Variants in DAAM1 observed in about 807,000 individuals in gnomAD.
DAAM1 encodes the protein dishevelled associated activator of morphogenesis 1.
A neutral mutation model predicts 130.0 loss-of-function variants in DAAM1; 52 were observed. That is an observed-to-expected ratio of 0.40 (90% CI 0.32 to 0.50). The LOEUF (loss-of-function observed/expected upper bound fraction) is 0.50. Among genes scored for constraint, DAAM1 ranks in the 20% least tolerant of loss-of-function variants. The pLI is 0.61. For synonymous variants in DAAM1, 452 were observed against 444.5 expected (o/e 1.02, Z -0.21); for missense variants, 1,134 against 1,303.8 (o/e 0.87, Z 2.01).
chr14:59,344,038 C>T (rs1885962162), intron 16 of DAAM1, among the ~76,000 whole-genome samples: 1 of 152,182 alleles, frequency 6.6e-6, no homozygotes, highest in Admixed American at 6.5e-5. Context: ...ACAGACCTCG[C>T]TGCCAAAGGC....
intron 1 of DAAM1, among the ~76,000 whole-genome samples, chr14:59,194,965 A>G (rs979325138): frequency 6.6e-5 from 10 of 152,236 alleles, no homozygotes; most frequent in African/African-American, 2.2e-4. Context: ...AATGAAGACA[A>G]TTGACTAAAA....
At chr14:59,307,922 T>G (rs1408408042) in intron 3 of DAAM1, among the ~76,000 whole-genome samples, 1 of 152,222 alleles carries the variant, frequency 6.6e-6, no homozygotes, top group Admixed American at 6.5e-5. Flanking sequence ...ATCCTCAGTC[T>G]TATAATGAGA....
chr14:59,216,949 G>A (rs1888600912), intron 1 of DAAM1, among the ~76,000 whole-genome samples: 1 of 151,652 alleles, frequency 6.6e-6, no homozygotes, highest in African/African-American at 2.4e-5. Flanking sequence ...GTAGCCCAGC[G>A]ATGCTTGAAA....
intron 2 of DAAM1, among the ~76,000 whole-genome samples, chr14:59,281,224 C>G (rs1883201726): frequency 6.6e-6 from 1 of 152,116 alleles, no homozygotes; most frequent in African/African-American, 2.4e-5. Flanking sequence ...GCCGGCTTGG[C>G]CACTTTTACA....
intron 1 of DAAM1, among the ~76,000 whole-genome samples, chr14:59,219,538 C>G (rs1437789008): frequency 6.6e-6 from 1 of 152,028 alleles, no homozygotes; most frequent in Non-Finnish European, 1.5e-5. Context: ...TTCATATCTG[C>G]TTATAATTGG....
intron 16 of DAAM1, among the ~76,000 whole-genome samples, chr14:59,345,973 C>T (rs1886063189): frequency 6.6e-6 from 1 of 152,116 alleles, no homozygotes; most frequent in East Asian, 1.9e-4. Flanking sequence ...ATTAAGGATA[C>T]AAAGGTACTG....
At chr14:59,367,330 C>A in intron 23 of DAAM1, 99 bp from the exon 24 acceptor site, 1 of 1,479,152 alleles carries the variant, frequency 6.8e-7, no homozygotes, top group Non-Finnish European at 9.0e-7. Flanking sequence ...ACAAAACTTA[C>A]GTTTGACTCA....
At chr14:59,329,981 C>T (rs1012727822) in intron 12 of DAAM1, among the ~76,000 whole-genome samples, 2 of 152,240 alleles carry the variant, frequency 1.3e-5, no homozygotes, top group Non-Finnish European at 2.9e-5. Flanking sequence ...CATCTGGGGA[C>T]AAACCCTGGG....
intron 5 of DAAM1, among the ~76,000 whole-genome samples, chr14:59,320,922 T>C (rs1259329339): frequency 6.6e-6 from 1 of 152,140 alleles, no homozygotes; most frequent in Admixed American, 6.5e-5. Flanking sequence ...GAATGTTAAA[T>C]ATAGTGTTGC....
rs1294114677 is a variant in DAAM1 at position 59,226,628 on chromosome 14, AAAC to A, written c.-37-36805_-37-36803del. On this transcript the variant is annotated intron_variant, in intron 1 of 24. Coordinates refer to ENST00000360909, the MANE Select transcript of DAAM1 (RefSeq NM_001270520.2). ...CAATCTCTGTATGCTAGGCAGGCAA[AAAC>A]AACAACAGATTTCAGTAGGATTCTC... Among the ~76,000 whole-genome samples, 11 of 152,332 alleles carry A rather than the reference AAAC, an allele frequency of 7.2e-5. No individual in the cohort carries two copies. The East Asian group carries it at 1.9e-3, about 27-fold the overall frequency.
At chr14:59,228,912 C>T (rs10873113) in intron 1 of DAAM1, among the ~76,000 whole-genome samples, 20,862 of 152,112 alleles carry the variant, frequency 0.14, 1,838 homozygotes, top group East Asian at 0.33. Context: ...ACTCTGTTTC[C>T]GTCTTTTCCC....
intron 2 of DAAM1, among the ~76,000 whole-genome samples, chr14:59,290,318 C>T (rs1301832692): frequency 6.6e-6 from 1 of 152,150 alleles, no homozygotes; most frequent in Admixed American, 6.5e-5. Context: ...AAACACTGAT[C>T]TGAAAGGCTA....
At chr14:59,342,291 A>G (rs1356391303) in intron 16 of DAAM1, among the ~76,000 whole-genome samples, 4 of 152,188 alleles carry the variant, frequency 2.6e-5, no homozygotes, top group African/African-American at 4.8e-5. Flanking sequence ...CTGCATTGAT[A>G]AGGATCTGAA....
Position 59,247,989 on chromosome 14 carries a change from C to T in DAAM1, c.-37-15452C>T, listed in dbSNP as rs1286291385. Among the ~76,000 whole-genome samples, 8 of 152,112 alleles carry T rather than the reference C, an allele frequency of 5.3e-5. 1 individual carries two copies. The highest frequency in any genetic ancestry group is 3.9e-4 in the Admixed American group (6 of 15,278). On this transcript the variant is annotated intron_variant, in intron 1 of 24. Coordinates refer to ENST00000360909, the MANE Select transcript of DAAM1 (RefSeq NM_001270520.2). ...AAGCAGTACTGTATTGAAAGCTTCC[C>T]GTATTTAGCCACTGATGACTTTTGC...
Position 59,370,799 on chromosome 14 carries a change from G to C in DAAM1, c.*1940G>C, listed in dbSNP as rs571388189. On this transcript the variant is annotated 3_prime_UTR_variant, in exon 25 of 25. Transcript: ENST00000360909. ...AAGATTGGAATATAATGATGGTTTT[G>C]TCTGTTCCTTAACTAAAGTGCCTCT... 9 of 152,270 alleles carry C rather than the reference G, an allele frequency of 5.9e-5. No individual in the cohort carries two copies. The highest frequency in any genetic ancestry group is 2.2e-4 in the African/African-American group (9 of 41,566). The allele number at this position is 152,270 out of a possible 1,614,324, so 9.4% of individuals were successfully genotyped here.
rs1389531523 is a variant in DAAM1, at chr14:59,250,959, G to A, written c.-37-12482G>A. ...GACCTAGTACTTTCTTTGTAACCCT[G>A]GGCATAGGGTTCTTTAGCACTATTT... On this transcript the variant is annotated intron_variant, in intron 1 of 24. Coordinates refer to ENST00000360909, the MANE Select transcript of DAAM1 (RefSeq NM_001270520.2). 5.3e-5 allele frequency among the ~76,000 whole-genome samples: 8 copies of A among 152,014 alleles called. No homozygotes were observed. In the South Asian group the frequency reaches 1.7e-3, roughly 32 times the overall value.
chr14:59,198,521 G>A (rs1427821599), intron 1 of DAAM1, among the ~76,000 whole-genome samples: 1 of 151,938 alleles, frequency 6.6e-6, no homozygotes, highest in Admixed American at 6.6e-5. Context: ...GAGCCACCGT[G>A]CCTGGCCCCA....
At chr14:59,224,974 C>A (rs1435399870) in intron 1 of DAAM1, among the ~76,000 whole-genome samples, 1 of 151,528 alleles carries the variant, frequency 6.6e-6, no homozygotes, top group Non-Finnish European at 1.5e-5. Flanking sequence ...CTCACACTTC[C>A]CAACCTCTAC....
At chr14:59,341,957 A>G (rs1885866538) in intron 16 of DAAM1, among the ~76,000 whole-genome samples, 1 of 152,186 alleles carries the variant, frequency 6.6e-6, no homozygotes, top group Non-Finnish European at 1.5e-5. Flanking sequence ...ATTCAGTAGT[A>G]CTAAGTACCA....
Sources: gnomAD v4.1 joint callset for allele counts (sites outside exome capture counted in the v4.1 genomes callset) on GRCh38, gnomAD v4.1.1 for gene constraint, MANE v1.5 for transcripts, NCBI Gene and HGNC (gene_info 2026-07-23, HGNC 2026-07-21) for gene names.